The following CAMK2B variants were observed in gnomAD, a reference collection of about 807,000 sequenced individuals.
The protein encoded by CAMK2B is calcium/calmodulin-dependent protein kinase type II subunit beta.
In CAMK2B, 27 loss-of-function variants were observed where a neutral mutation model predicts 93.7. The ratio of observed to expected loss-of-function variants is 0.29; its 90% confidence interval spans 0.21 to 0.40. The LOEUF (loss-of-function observed/expected upper bound fraction) is 0.40. CAMK2B is among the 10% of genes least tolerant of loss of function. CAMK2B has a pLI of 1.00. For synonymous variants in CAMK2B, 374 were observed against 358.8 expected, an observed-to-expected ratio of 1.04 and a Z score of -0.48; for missense variants, 568 against 895.8, an observed-to-expected ratio of 0.63 and a Z score of 4.67.
At chr7:44,296,628 G>A (rs963533960) in intron 1 of CAMK2B, among the ~76,000 whole-genome samples, 3 of 151,918 alleles carry the variant, frequency 2.0e-5, no homozygotes, top group African/African-American at 2.4e-5. Context: ...AGTGTATATC[G>A]GGTCGTATCA....
At chr7:44,294,194 G>A (rs557530315) in intron 1 of CAMK2B, among the ~76,000 whole-genome samples, 22 of 152,184 alleles carry the variant, frequency 1.4e-4, no homozygotes, top group African/African-American at 3.6e-4. Flanking sequence ...CCCTGCCCTC[G>A]CCAAAGTCCC....
chr7:44,324,857 G>A (rs538374775), intron 1 of CAMK2B, among the ~76,000 whole-genome samples: 74 of 152,204 alleles, frequency 4.9e-4, no homozygotes, highest in African/African-American at 1.5e-3. Context: ...AGCGCGGATG[G>A]GGCCACGCGC....
intron 2 of CAMK2B, among the ~76,000 whole-genome samples, chr7:44,266,180 T>G (rs182855599): frequency 2.1e-3 from 320 of 152,012 alleles, no homozygotes; most frequent in South Asian, 0.01. Context: ...AAAAAATAAA[T>G]CTAAGCAGAT....
At chr7:44,230,633 C>G (rs2096570192) in intron 17 of CAMK2B, among the ~76,000 whole-genome samples, 2 of 152,344 alleles carry the variant, frequency 1.3e-5, no homozygotes, top group South Asian at 2.1e-4. Context: ...CAAGTGCATG[C>G]TGGACAGAAA....
rs1205081142 is a variant in CAMK2B, at chr7:44,286,349, C to T, written c.66-2124G>A. On this transcript the variant is annotated intron_variant, in intron 1 of 23. Coordinates refer to ENST00000395749, the MANE Select transcript of CAMK2B (RefSeq NM_001220.5). The surrounding 1 kb of genome is among the most constrained non-coding windows in gnomAD (Gnocchi z 4.0). ...GAAGGGAGCAGGGAGTCTGGGCCTC[C>T]GTGCGCCAGAACGCAACCACACACT... Among the ~76,000 whole-genome samples the T allele has an allele frequency of 6.6e-6, 1 of 152,158 alleles. No individual in the cohort carries two copies. The highest frequency in any genetic ancestry group is 1.5e-5 in the Non-Finnish European group (1 of 68,020).
At chr7:44,276,715 C>T (rs1287419417) in intron 2 of CAMK2B, among the ~76,000 whole-genome samples, 1 of 152,186 alleles carries the variant, frequency 6.6e-6, no homozygotes, top group African/African-American at 2.4e-5. Context: ...GGGTGAGCCT[C>T]GGGCCTGGGA....
chr7:44,240,934 C>T (rs2096672019), intron 11 of CAMK2B, among the ~76,000 whole-genome samples, 185 bp from the exon 12 acceptor site: 1 of 152,146 alleles, frequency 6.6e-6, no homozygotes, highest in South Asian at 2.1e-4. Flanking sequence ...GACAGATCAC[C>T]TATTTCCAGA....
chr7:44,325,935 C>G (rs1797426268), upstream of CAMK2B: 2 of 152,126 alleles, frequency 1.3e-5, no homozygotes, highest in Non-Finnish European at 2.9e-5. Flanking sequence ...ACGCCCGCAC[C>G]TCGCGCACGC....
intron 2 of CAMK2B, among the ~76,000 whole-genome samples, chr7:44,278,173 G>A (rs1197538039): frequency 1.3e-5 from 2 of 152,192 alleles, no homozygotes; most frequent in Non-Finnish European, 2.9e-5. Flanking sequence ...CTTCATGGAG[G>A]AGGGGGCCCT....
chr7:44,246,442 G>A (rs542708695), intron 6 of CAMK2B, among the ~76,000 whole-genome samples: 1 of 151,164 alleles, frequency 6.6e-6, no homozygotes, highest in Non-Finnish European at 1.5e-5. Context: ...TGCCCACACA[G>A]ACACACACAC....
chr7:44,308,445 C>T (rs997889499), intron 1 of CAMK2B, among the ~76,000 whole-genome samples: 1 of 152,074 alleles, frequency 6.6e-6, no homozygotes, highest in Non-Finnish European at 1.5e-5. Flanking sequence ...CCCCCTGCCC[C>T]CGGCTCGCAT....
At chr7:44,237,217 G>A (rs1214995831) in intron 13 of CAMK2B, among the ~76,000 whole-genome samples, 1 of 152,244 alleles carries the variant, frequency 6.6e-6, no homozygotes, top group Non-Finnish European at 1.5e-5. Flanking sequence ...GCCCATCGGC[G>A]GGGCTGGCAG....
At chr7:44,220,028 G>GCC (rs1368004262) in intron 23 of CAMK2B, 32 bp downstream of exon 23, 2 of 1,503,776 alleles carry the variant, frequency 1.3e-6, no homozygotes, top group African/African-American at 2.8e-5. Context: ...CCACCCCTCT[G>GCC]CCCCAGCTGT....
chr7:44,325,337 G>A lies in CAMK2B; in HGVS notation c.65+20C>T. 8.2e-7 allele frequency: 1 copy of A among 1,225,824 alleles called. No individual in the cohort carries two copies. The highest frequency in any genetic ancestry group is 1.0e-6 in the Non-Finnish European group (1 of 954,524). The allele number at this position is 1,225,824 out of a possible 1,614,324, so 75.9% of individuals were successfully genotyped here. A position where few individuals can be genotyped will look rare whatever the true frequency, so the allele number is the denominator to read the frequency against. ...CCCTCTGGGGTCCCCGGCCCAGCCCGCGCGCGCCGCTGCTCTTACTTGCCA... is the reference window on the plus strand; with the variant it reads ...CCCTCTGGGGTCCCCGGCCCAGCCCACGCGCGCCGCTGCTCTTACTTGCCA... On this transcript the variant is annotated intron_variant, in intron 1 of 23. Transcript: ENST00000395749.
chr7:44,269,403 G>A (rs1299216733), intron 2 of CAMK2B, among the ~76,000 whole-genome samples: 1 of 152,198 alleles, frequency 6.6e-6, no homozygotes, highest in Admixed American at 6.5e-5. Context: ...GTTGATGTTC[G>A]CTCCCATAAT....
chr7:44,272,681 T>C (rs2096985937), intron 2 of CAMK2B, among the ~76,000 whole-genome samples: 2 of 152,164 alleles, frequency 1.3e-5, no homozygotes, highest in South Asian at 2.1e-4. Context: ...TCGTCACTAT[T>C]TGCCAGCCAT....
intron 2 of CAMK2B, among the ~76,000 whole-genome samples, chr7:44,282,986 C>CCTCTA (rs951619089): frequency 6.6e-6 from 1 of 152,206 alleles, no homozygotes; most frequent in African/African-American, 2.4e-5. Context: ...CGCTTGGCTC[C>CCTCTA]CTCTACCAGG....
At chr7:44,316,026 T>A (rs1020140294) in intron 1 of CAMK2B, among the ~76,000 whole-genome samples, 1 of 152,206 alleles carries the variant, frequency 6.6e-6, no homozygotes, top group East Asian at 1.9e-4. Flanking sequence ...ACTATTTATT[T>A]CCAATCTGGG....
Position 44,325,504 on chromosome 7 carries a change from A to C in CAMK2B, c.-83T>G, listed in dbSNP as rs930839330. 81 of 874,436 alleles carry C rather than the reference A, an allele frequency of 9.3e-5. No individual in the cohort carries two copies. Among genetic ancestry groups the C allele is most frequent in the Non-Finnish European group, 1.1e-4 (80 of 726,196 alleles). The allele number at this position is 874,436 out of a possible 1,614,324, so 54.2% of individuals were successfully genotyped here. A position where few individuals can be genotyped will look rare whatever the true frequency, so the allele number is the denominator to read the frequency against. ...GCTCCCGCTCGCGGGCACGGCGGCGACACGGGCGCGGGCGCGGGAGACACC... is the reference window on the plus strand; with the variant it reads ...GCTCCCGCTCGCGGGCACGGCGGCGCCACGGGCGCGGGCGCGGGAGACACC... On this transcript the variant is annotated 5_prime_UTR_variant, in exon 1 of 24. Coordinates refer to ENST00000395749, the MANE Select transcript of CAMK2B (RefSeq NM_001220.5).
Sources: allele counts gnomAD v4.1 joint callset (sites outside exome capture counted in the v4.1 genomes callset), GRCh38; gene constraint gnomAD v4.1.1; non-coding constraint Gnocchi (gnomAD v3.1); transcripts MANE v1.5; gene names NCBI Gene and HGNC (gene_info 2026-07-23, HGNC 2026-07-21).